The following ITFG1 variants were observed in gnomAD, a reference collection of about 807,000 sequenced individuals.
ITFG1 encodes integrin alpha FG-GAP repeat containing 1.
ITFG1 carries 34 observed loss-of-function variants against 81.8 expected under a neutral mutation model. The ratio of observed to expected loss-of-function variants is 0.42; its 90% CI spans 0.32 to 0.55. The LOEUF (loss-of-function observed/expected upper bound fraction) is 0.55. ITFG1 is among the 20% of genes least tolerant of loss of function. The pLI, the probability that ITFG1 is intolerant of heterozygous loss-of-function variation, is 0.17. For synonymous variants in ITFG1, 285 were observed against 270.6 expected (o/e 1.05, Z -0.52); for missense variants, 672 against 755.4 (o/e 0.89, Z 1.29).
intron 5 of ITFG1, among the ~76,000 whole-genome samples, chr16:47,441,010 C>T (rs528178643): frequency 6.6e-6 from 1 of 152,260 alleles, no homozygotes; most frequent in Admixed American, 6.5e-5. Context: ...GGGATATCAC[C>T]ACCGATGGTA....
At chr16:47,265,388 G>A (rs540061519) in intron 10 of ITFG1, among the ~76,000 whole-genome samples, 1 of 152,042 alleles carries the variant, frequency 6.6e-6, no homozygotes, top group South Asian at 2.1e-4. Flanking sequence ...AAACAGAAAA[G>A]TCTTTTTCTT....
chr16:47,231,028 G>A lies in ITFG1; in HGVS notation c.1374+6937C>T, dbSNP rs796647156. ...CTCCCAAAGTGTTGGGATTACAGGC[G>A]TGAGCCACCGCGCCCAGCCCAAATG... On this transcript the variant is annotated intron_variant, in intron 13 of 17. Coordinates refer to ENST00000320640, the MANE Select transcript of ITFG1 (RefSeq NM_030790.5). 6.8e-4 allele frequency among the ~76,000 whole-genome samples: 103 copies of A among 152,320 alleles called. 1 individual carries two copies. Among genetic ancestry groups the A allele is most frequent in the African/African-American group, 2.4e-3 (98 of 41,582 alleles).
intron 13 of ITFG1, among the ~76,000 whole-genome samples, chr16:47,219,395 C>T (rs1157047843): frequency 4.6e-5 from 7 of 152,098 alleles, no homozygotes; most frequent in Non-Finnish European, 8.8e-5. Context: ...TAAACTCCTG[C>T]ACATTTAGAG....
At chr16:47,157,879 T>C (rs1265844480) in intron 17 of ITFG1, among the ~76,000 whole-genome samples, 1 of 152,192 alleles carries the variant, frequency 6.6e-6, no homozygotes, top group Non-Finnish European at 1.5e-5. Context: ...AGCAGCCCTT[T>C]TTTGAGGGCA....
chr16:47,370,610 G>A (rs1968240521), intron 7 of ITFG1, among the ~76,000 whole-genome samples: 1 of 152,248 alleles, frequency 6.6e-6, no homozygotes, highest in African/African-American at 2.4e-5. Flanking sequence ...TGGCGCCTAA[G>A]TCAGAAGCTG....
intron 7 of ITFG1, among the ~76,000 whole-genome samples, chr16:47,369,802 A>G (rs1017549749): frequency 8.0e-6 from 1 of 124,316 alleles, no homozygotes; most frequent in African/African-American, 3.1e-5. Context: ...AACATTTATC[A>G]TTTCTTCCTA....
intron 8 of ITFG1, among the ~76,000 whole-genome samples, chr16:47,330,513 C>T (rs897170168): frequency 4.0e-5 from 6 of 151,670 alleles, no homozygotes; most frequent in Non-Finnish European, 8.8e-5. Flanking sequence ...AACAAAAAAC[C>T]TAAACTATCA....
intron 10 of ITFG1, among the ~76,000 whole-genome samples, chr16:47,288,464 G>C (rs1966878653): frequency 6.6e-6 from 1 of 152,130 alleles, no homozygotes; most frequent in Non-Finnish European, 1.5e-5. Flanking sequence ...AGGACTGCTG[G>C]AACGTATGGC....
intron 6 of ITFG1, among the ~76,000 whole-genome samples, chr16:47,421,160 T>C (rs1339096544): frequency 6.6e-6 from 1 of 151,940 alleles, no homozygotes; most frequent in Non-Finnish European, 1.5e-5. Context: ...GAGTGTTGTG[T>C]AGGCAGCATA....
chr16:47,377,330 A>G (rs1968339610), intron 6 of ITFG1, among the ~76,000 whole-genome samples: 1 of 152,106 alleles, frequency 6.6e-6, no homozygotes, highest in Admixed American at 6.5e-5. Context: ...TCCTCTATGA[A>G]CGTCATTTGT....
chr16:47,347,925 T>A (rs1336927924), intron 8 of ITFG1, among the ~76,000 whole-genome samples: 2 of 152,184 alleles, frequency 1.3e-5, no homozygotes, highest in African/African-American at 4.8e-5. Context: ...TTCTGCAGCC[T>A]CCACTGCTGA....
rs1241973582 is a variant in ITFG1 at position 47,457,070 on chromosome 16, G to A, written c.281+2033C>T. On this transcript the variant is annotated intron_variant, in intron 2 of 17. Coordinates refer to ENST00000320640, the MANE Select transcript of ITFG1 (RefSeq NM_030790.5). ...ATGAAATACTGTCCCAGCACTTTGG[G>A]AGGCCGAGGCAGGTGGATCACCTGA... 2.6e-5 allele frequency among the ~76,000 whole-genome samples: 4 copies of A among 152,176 alleles called. No homozygotes were observed. In the East Asian group the frequency reaches 7.7e-4, roughly 29 times the overall value.
At chr16:47,435,423 C>T (rs1009603074) in intron 5 of ITFG1, among the ~76,000 whole-genome samples, 1 of 152,120 alleles carries the variant, frequency 6.6e-6, no homozygotes, top group African/African-American at 2.4e-5. Flanking sequence ...CATTTCTTGA[C>T]CTCTGTAGAA....
chr16:47,311,727 T>A (rs1967265813), intron 9 of ITFG1, among the ~76,000 whole-genome samples: 1 of 152,180 alleles, frequency 6.6e-6, no homozygotes. Context: ...TCAGATTACA[T>A]AATTTAAAAC....
chr16:47,446,525 T>C (rs948446447), intron 5 of ITFG1, among the ~76,000 whole-genome samples: 3 of 152,168 alleles, frequency 2.0e-5, no homozygotes, highest in African/African-American at 7.2e-5. Context: ...CAGCACTGAC[T>C]ACTAATACAG....
At chr16:47,356,000 A>G (rs1968035051) in intron 8 of ITFG1, among the ~76,000 whole-genome samples, 1 of 152,198 alleles carries the variant, frequency 6.6e-6, no homozygotes, top group African/African-American at 2.4e-5. Context: ...ATTACTGAAG[A>G]TGATAACATA....
chr16:47,352,457 A>G (rs1967974571), intron 8 of ITFG1, among the ~76,000 whole-genome samples: 5 of 152,234 alleles, frequency 3.3e-5, no homozygotes, highest in Admixed American at 3.3e-4. Flanking sequence ...CACATGAAAA[A>G]ATGCTCATCA....
intron 6 of ITFG1, among the ~76,000 whole-genome samples, chr16:47,378,521 A>G (rs1968356028): frequency 6.6e-6 from 1 of 152,192 alleles, no homozygotes; most frequent in Non-Finnish European, 1.5e-5. Context: ...ATAGAAGGTG[A>G]AAATTATGCC....
chr16:47,183,918 T>A (rs1232855936), intron 14 of ITFG1, among the ~76,000 whole-genome samples: 2 of 152,040 alleles, frequency 1.3e-5, no homozygotes, highest in African/African-American at 4.8e-5. Flanking sequence ...ATAACTACAA[T>A]AACCAATACA....
Sources: gnomAD v4.1 joint callset for allele counts (sites outside exome capture counted in the v4.1 genomes callset) on GRCh38, gnomAD v4.1.1 for gene constraint, MANE v1.5 for transcripts, NCBI Gene and HGNC (gene_info 2026-07-23, HGNC 2026-07-21) for gene names.